COX7A2L: variants seen among roughly 807,000 people sequenced by gnomAD.
COX7A2L encodes the protein cytochrome c oxidase subunit 7A2-like, mitochondrial.
In COX7A2L, 18 loss-of-function variants were observed where a neutral mutation model predicts 14.2. The observed-to-expected ratio is 1.27, with a 90% CI of 0.88 to 1.88. COX7A2L has a LOEUF of 1.88. COX7A2L is among the 40% of genes most tolerant of loss of function. The pLI is 0.00. For synonymous variants in COX7A2L, 65 were observed against 57.4 expected, an observed-to-expected ratio of 1.13 and a Z score of -0.60; for missense variants, 179 against 138.8, an observed-to-expected ratio of 1.29 and a Z score of -1.46.
At chr2:42,344,379 G>C (rs1435985396), downstream of COX7A2L, among the ~76,000 whole-genome samples, 1 of 152,068 alleles carries the variant, frequency 6.6e-6, no homozygotes, top group Non-Finnish European at 1.5e-5. Flanking sequence ...TACAACTTTA[G>C]GAATGAAAGT....
upstream of COX7A2L, among the ~76,000 whole-genome samples, chr2:42,362,038 G>A (rs532852009): frequency 1.3e-5 from 2 of 152,254 alleles, no homozygotes; most frequent in Middle Eastern, 3.4e-3. Flanking sequence ...CTCAGAACTG[G>A]TTTTTATTCT....
chr2:42,364,578 C>T (rs1363944166), upstream of COX7A2L, among the ~76,000 whole-genome samples: 1 of 152,136 alleles, frequency 6.6e-6, no homozygotes, highest in Admixed American at 6.5e-5. Context: ...ATGATGACAC[C>T]TGCCATGCAA....
At position 42,350,784 on chromosome 2, in the gene COX7A2L, C is replaced by G. The variant is rs1308172909; in HGVS notation, c.*435G>C. On this transcript the variant is annotated 3_prime_UTR_variant, in exon 3 of 3. Transcript: ENST00000234301. ...CATTTTACTGCAAAATGGAAAAAAT[C>G]CCCGAGGTGACTAACTCAAACTCCT... is the stretch of plus-strand genomic sequence containing the variant. 1 of 152,968 alleles carries G rather than the reference C, an allele frequency of 6.5e-6. No individual in the cohort carries two copies. Among genetic ancestry groups the G allele is most frequent in the Non-Finnish European group, 1.5e-5 (1 of 68,490 alleles). The allele number at this position is 152,968 out of a possible 1,614,324, so 9.5% of individuals were successfully genotyped here. A position where few individuals can be genotyped will look rare whatever the true frequency, so the allele number is the denominator to read the frequency against.
At chr2:42,359,375 A>C (rs1417735088) in intron 1 of COX7A2L, 1 of 152,266 alleles carries the variant, frequency 6.6e-6, no homozygotes, top group African/African-American at 2.4e-5. Flanking sequence ...GGGATGATGT[A>C]ACATCTTGCA....
rs143748823 is a variant in COX7A2L at position 42,361,162 on chromosome 2, G to A, written c.-1C>T. 141 of 1,610,712 alleles carry A rather than the reference G, an allele frequency of 8.8e-5. No individual in the cohort carries two copies. In the African/African-American group the frequency reaches 1.9e-3, roughly 21 times the overall value. ...TGAAGCCACTAAACTTGTAGTACAT[G>A]ACGCCCAGAGTCCGGCTTCCCGCAT... On this transcript the variant is annotated 5_prime_UTR_variant, in exon 1 of 3. Coordinates refer to ENST00000234301, the MANE Select transcript of COX7A2L (RefSeq NM_004718.4).
At chr2:42,364,237 C>T, upstream of COX7A2L, among the ~76,000 whole-genome samples, 1 of 99,444 alleles carries the variant, frequency 1.0e-5, no homozygotes, top group African/African-American at 4.0e-5. Flanking sequence ...GGCGACAGAG[C>T]GAGACTCCGT....
upstream of COX7A2L, among the ~76,000 whole-genome samples, chr2:42,366,039 C>T (rs1045715110): frequency 1.3e-5 from 2 of 152,162 alleles, no homozygotes; most frequent in African/African-American, 4.8e-5. Context: ...GAACCATACA[C>T]CTGGGTCTTA....
intron 1 of COX7A2L, chr2:42,359,120 T>C (rs949426794): frequency 6.6e-6 from 1 of 152,234 alleles, no homozygotes; most frequent in Non-Finnish European, 1.5e-5. Context: ...AAAATATTTT[T>C]TGAGCAGCCA....
At chr2:42,358,872 T>C (rs1484366922) in intron 1 of COX7A2L, among the ~76,000 whole-genome samples, 4 of 152,212 alleles carry the variant, frequency 2.6e-5, no homozygotes, top group African/African-American at 9.7e-5. Flanking sequence ...GGTACACATC[T>C]GTAACCCCAG....
upstream of COX7A2L, among the ~76,000 whole-genome samples, chr2:42,364,250 C>CAAAA (rs35151680): frequency 1.2e-3 from 103 of 85,402 alleles, 2 homozygotes; most frequent in Non-Finnish European, 1.9e-3. Flanking sequence ...GACTCCGTCT[C>CAAAA]AAAAAAAAAA....
At chr2:42,348,141 G>A (rs890430402), downstream of COX7A2L, among the ~76,000 whole-genome samples, 3 of 152,090 alleles carry the variant, frequency 2.0e-5, no homozygotes, top group Admixed American at 6.5e-5. Flanking sequence ...ATCAAATCAG[G>A]AAATTCCATC....
upstream of COX7A2L, among the ~76,000 whole-genome samples, chr2:42,362,899 CAG>C (rs1307709798): frequency 1.0e-3 from 138 of 131,742 alleles, no homozygotes; most frequent in Non-Finnish European, 1.9e-3. Flanking sequence ...CTTTTTGAAA[CAG>C]GGTCTCACTC....
At chr2:42,367,029 T>G (rs573948201) in intron 1 of COX7A2L, among the ~76,000 whole-genome samples, 1 of 152,236 alleles carries the variant, frequency 6.6e-6, no homozygotes, top group East Asian at 1.9e-4. Context: ...AGCATTGGCA[T>G]TAAATTTAAA....
intron 2 of COX7A2L, among the ~76,000 whole-genome samples, chr2:42,336,444 A>G (rs1321115757): frequency 1.3e-5 from 2 of 149,310 alleles, no homozygotes; most frequent in African/African-American, 2.5e-5. Context: ...ACTGAGAAGA[A>G]AGTGAGTGCC....
intron 1 of COX7A2L, among the ~76,000 whole-genome samples, chr2:42,358,165 C>G (rs978050399): frequency 1.3e-5 from 2 of 152,180 alleles, no homozygotes; most frequent in African/African-American, 4.8e-5. Flanking sequence ...TATCATCTGT[C>G]TTTTTGATTC....
intron 2 of COX7A2L, among the ~76,000 whole-genome samples, chr2:42,337,433 G>A (rs1670304983): frequency 6.6e-6 from 1 of 152,118 alleles, no homozygotes; most frequent in Non-Finnish European, 1.5e-5. Flanking sequence ...ACAGAGAAAA[G>A]ACTAGTGACT....
intron 1 of COX7A2L, among the ~76,000 whole-genome samples, chr2:42,353,592 C>T (rs551565299): frequency 1.8e-4 from 28 of 152,278 alleles, no homozygotes; most frequent in African/African-American, 6.7e-4. Flanking sequence ...ACCAGTAAAA[C>T]ATTTATAATC....
chr2:42,362,418 A>T (rs1671078527), upstream of COX7A2L, among the ~76,000 whole-genome samples: 1 of 152,220 alleles, frequency 6.6e-6, no homozygotes, highest in Non-Finnish European at 1.5e-5. Context: ...GCATTGCCCT[A>T]AACTCATTTA....
chr2:42,341,127 G>A (rs111507072), intron 2 of COX7A2L, among the ~76,000 whole-genome samples: 83 of 152,268 alleles, frequency 5.5e-4, no homozygotes, highest in African/African-American at 1.9e-3. Flanking sequence ...CAACTTATGG[G>A]TGAGTCCCAC....
Sources: allele counts gnomAD v4.1 joint callset (sites outside exome capture counted in the v4.1 genomes callset), GRCh38; gene constraint gnomAD v4.1.1; transcripts MANE v1.5; gene names NCBI Gene and HGNC (gene_info 2026-07-23, HGNC 2026-07-21).